Variants in GLOD4 observed in about 807,000 individuals in gnomAD.
GLOD4 encodes the protein glyoxalase domain containing 4, also known as glyoxalase domain-containing protein 4.
Under a neutral mutation model 39.1 loss-of-function variants are expected in GLOD4, and 44 were observed. That is an observed-to-expected ratio of 1.13 (90% CI 0.88 to 1.45). GLOD4 has a LOEUF of 1.45. GLOD4 is among the 40% of genes most tolerant of loss of function. The probability of loss-of-function intolerance (pLI) is 0.00; values close to 1 mark genes in which losing one functional copy is unlikely to be tolerated. For missense variants in GLOD4, 405 were observed against 366.4 expected, an observed-to-expected ratio of 1.11 and a Z score of -0.86; for synonymous variants, 145 against 135.0, an observed-to-expected ratio of 1.07 and a Z score of -0.52.
chr17:777,120 C>A (rs1909097875), intron 2 of GLOD4, 132 bp from the exon 3 acceptor site: 3 of 791,208 alleles, frequency 3.8e-6, no homozygotes, highest in Admixed American at 2.1e-5. Flanking sequence ...ATGAGATGAC[C>A]TCAGATGGTA....
chr17:778,915 G>A (rs193158671), intron 1 of GLOD4, 171 bp from the exon 2 acceptor site: 12 of 587,186 alleles, frequency 2.0e-5, no homozygotes, highest in Non-Finnish European at 3.3e-5. Context: ...GTGGAAGGAC[G>A]AACAGCTTGA....
intron 8 of GLOD4, among the ~76,000 whole-genome samples, chr17:762,078 G>T (rs1200491063): frequency 6.6e-6 from 1 of 152,162 alleles, no homozygotes; most frequent in Non-Finnish European, 1.5e-5. Flanking sequence ...ATTACTGGCT[G>T]TTTGCTTTGG....
rs142062507 is a variant in GLOD4, at chr17:775,830, G to C, written c.351C>G (p.Thr117=). The part of the protein sequence containing the change: ...LTEVAEGVFE[T]EAPGGYKFYL... Reference sequence around the variant, plus strand: ...AGAACTTATATCCTCCCGGGGCCTCGGTTTCAAAAACACCTTCTGCAACTT... The same window carrying C: ...AGAACTTATATCCTCCCGGGGCCTCCGTTTCAAAAACACCTTCTGCAACTT... The change falls in exon 4 of 9, where the codon ACC becomes ACG. Residue 117 remains threonine (T), a synonymous_variant. Transcript: ENST00000301329. The C allele has an allele frequency of 2.5e-6, 4 of 1,613,850 alleles. 1 individual carries two copies. Among genetic ancestry groups the C allele is most frequent in the Admixed American group, 3.3e-5 (2 of 60,010 alleles).
chr17:785,395 T>C (rs1910487435), upstream of GLOD4, among the ~76,000 whole-genome samples: 1 of 144,534 alleles, frequency 6.9e-6, no homozygotes, highest in Non-Finnish European at 1.6e-5. Flanking sequence ...GTAGAGATTA[T>C]ATAATGTAGA....
chr17:776,788 A>G, intron 3 of GLOD4, 80 bp downstream of exon 3: 3 of 1,044,524 alleles, frequency 2.9e-6, no homozygotes, highest in South Asian at 2.5e-5. Context: ...TCACTCACAC[A>G]CACCCTTGGC....
At chr17:781,350 G>A (rs1205337006) in intron 1 of GLOD4, among the ~76,000 whole-genome samples, 5 of 152,116 alleles carry the variant, frequency 3.3e-5, no homozygotes, top group African/African-American at 1.2e-4. Flanking sequence ...CATCATCTAC[G>A]TACAAATCCA....
At chr17:784,101 G>T (rs977271785), upstream of GLOD4, among the ~76,000 whole-genome samples, 3 of 152,202 alleles carry the variant, frequency 2.0e-5, no homozygotes, top group Non-Finnish European at 4.4e-5. Flanking sequence ...GGCTGAATCT[G>T]ACTTAACCTT....
chr17:759,873 C>T lies in GLOD4; in HGVS notation c.*300G>A, dbSNP rs886827666. The T allele has an allele frequency of 2.1e-5, 7 of 329,994 alleles. No individual in the cohort carries two copies. Among genetic ancestry groups the T allele is most frequent in the African/African-American group, 1.5e-4 (7 of 47,326 alleles). The allele number at this position is 329,994 out of a possible 1,614,324, so 20.4% of individuals were successfully genotyped here. A position where few individuals can be genotyped will look rare whatever the true frequency, so the allele number is the denominator to read the frequency against. ...CCGCAATCCCAACCAAAGTCATGTT[C>T]ATGCCGCTGTCCTAGTCTGGACAAT... On this transcript the variant is annotated 3_prime_UTR_variant, in exon 9 of 9. Transcript: ENST00000301329.
chr17:776,187 A>G (rs1908916274), intron 3 of GLOD4, among the ~76,000 whole-genome samples: 1 of 152,232 alleles, frequency 6.6e-6, no homozygotes, highest in Non-Finnish European at 1.5e-5. Flanking sequence ...TTCTAATTCT[A>G]AAGATCTAGC....
chr17:777,436 G>A (rs1429988785), intron 2 of GLOD4: 1 of 161,330 alleles, frequency 6.2e-6, no homozygotes, highest in Non-Finnish European at 1.4e-5. Flanking sequence ...GAGGTCAGGA[G>A]TTCGAGACCA....
At chr17:769,738 G>T (rs1214470405) in intron 8 of GLOD4, 131 bp downstream of exon 8, 1 of 673,620 alleles carries the variant, frequency 1.5e-6, no homozygotes, top group Admixed American at 2.2e-5. Context: ...CTTGGCTGAG[G>T]TCAACCCAAC....
upstream of GLOD4, chr17:782,612 G>A (rs538826324): frequency 6.2e-7 from 1 of 1,614,014 alleles, no homozygotes; most frequent in African/African-American, 1.3e-5. Flanking sequence ...CGCTCGAGGA[G>A]TCCGCATCCC....
chr17:764,652 G>C (rs1486491722), intron 8 of GLOD4: 1 of 151,910 alleles, frequency 6.6e-6, no homozygotes, highest in African/African-American at 2.4e-5. Context: ...ATAAAATTGA[G>C]TATCAGTCAG....
rs539075920 is a variant in GLOD4 at position 763,706 on chromosome 17, C to G, written c.832-3468G>C. ...TCCCAGAATCTACACTCCCAAGTAG[C>G]CTTTATGTAATATTACTGGAAGAAG... On this transcript the variant is annotated intron_variant, in intron 8 of 8. Coordinates refer to ENST00000301329, the MANE Select transcript of GLOD4 (RefSeq NM_016080.4). 5 of 152,136 alleles carry G rather than the reference C, an allele frequency of 3.3e-5. No individual in the cohort carries two copies. The South Asian group carries it at 1.0e-3, about 32-fold the overall frequency. 9.4% of individuals were successfully genotyped at this position (152,136 alleles called of 1,614,324 possible).
rs747970458 is a variant in GLOD4 at position 775,845 on chromosome 17, T to G, written c.336A>C (p.Glu112Asp). 1 of 1,613,762 alleles carries G rather than the reference T, an allele frequency of 6.2e-7. No individual in the cohort carries two copies. The highest frequency in any genetic ancestry group is 8.5e-7 in the Non-Finnish European group (1 of 1,179,614). ...KLEWPLTEVA[E>D]GVFETEAPGG... ...CCGGGGCCTCGGTTTCAAAAACACCTTCTGCAACTTCCGTCAGTGGCCACT... is the reference window on the plus strand; with the variant it reads ...CCGGGGCCTCGGTTTCAAAAACACCGTCTGCAACTTCCGTCAGTGGCCACT... Residue 112 changes from glutamate to aspartate, a missense_variant, in exon 4 of 9, where the codon GAA (glutamate) becomes GAC (aspartate). By Grantham distance (45) the Glu-to-Asp change is conservative (BLOSUM62 2). Transcript: ENST00000301329.
At chr17:779,438 T>C (rs553939839) in intron 1 of GLOD4, among the ~76,000 whole-genome samples, 1 of 146,260 alleles carries the variant, frequency 6.8e-6, no homozygotes, top group South Asian at 2.3e-4. Context: ...GAGACCAGCC[T>C]AGCCAACACA....
chr17:760,389 TAAA>T (rs1325438450), intron 8 of GLOD4, 151 bp from the exon 9 acceptor site: 15 of 591,000 alleles, frequency 2.5e-5, no homozygotes, highest in Non-Finnish European at 4.2e-5. Context: ...AGAAGAGAAA[TAAA>T]AAAAATTTTT....
intron 4 of GLOD4, among the ~76,000 whole-genome samples, chr17:772,324 G>T (rs980643274): frequency 1.3e-5 from 2 of 151,420 alleles, no homozygotes; most frequent in African/African-American, 2.4e-5. Flanking sequence ...ATTCCTGATG[G>T]GTTAAAAAAA....
chr17:782,549 G>GCC (rs1452117840), upstream of GLOD4: 1 of 1,613,926 alleles, frequency 6.2e-7, no homozygotes, highest in Admixed American at 1.7e-5. Flanking sequence ...CTGGGAAGCA[G>GCC]CCCCGCAAGG....
Sources: allele counts gnomAD v4.1 joint callset (sites outside exome capture counted in the v4.1 genomes callset), GRCh38; gene constraint gnomAD v4.1.1; transcripts MANE v1.5; gene names NCBI Gene and HGNC (gene_info 2026-07-23, HGNC 2026-07-21).